GRM3: variants seen among roughly 807,000 people sequenced by gnomAD.
GRM3 encodes metabotropic glutamate receptor 3.
Under a neutral mutation model 70.5 loss-of-function variants are expected in GRM3, and 26 were observed. The ratio of observed to expected loss-of-function variants is 0.37; its 90% CI spans 0.27 to 0.51. The LOEUF is 0.51. Among genes scored for constraint, GRM3 ranks in the 20% least tolerant of loss-of-function variants. GRM3 has a pLI of 0.93. For synonymous variants in GRM3, 443 were observed against 434.9 expected (o/e 1.02, Z -0.23); for missense variants, 859 against 1,123.8 (o/e 0.76, Z 3.37).
chr7:86,675,495 G>A (rs1433901317), intron 1 of GRM3, among the ~76,000 whole-genome samples: 1 of 152,012 alleles, frequency 6.6e-6, no homozygotes, highest in Admixed American at 6.6e-5. Flanking sequence ...GAACCTACCA[G>A]TTGTCTTTAA....
intron 3 of GRM3, among the ~76,000 whole-genome samples, chr7:86,824,677 C>T (rs1359728165): frequency 1.3e-5 from 2 of 152,200 alleles, no homozygotes; most frequent in Non-Finnish European, 2.9e-5. Flanking sequence ...GTACTACTAA[C>T]TTTCTCCATC....
At position 86,725,436 on chromosome 7, in the gene GRM3, G is replaced by A. The variant is rs145884266; in HGVS notation, c.-140-39570G>A. 2.4e-3 allele frequency among the ~76,000 whole-genome samples: 365 copies of A among 152,220 alleles called. 1 individual carries two copies. Among genetic ancestry groups the A allele is most frequent in the African/African-American group, 8.0e-3 (333 of 41,560 alleles). On this transcript the variant is annotated intron_variant, in intron 1 of 5. Transcript: ENST00000361669. ...TTGATGTGATACCTCAAGGCTTCAA[G>A]CAGGAGTATGACAATGACAGGCGGA...
intron 1 of GRM3, among the ~76,000 whole-genome samples, chr7:86,716,734 A>T (rs554391147): frequency 3.9e-5 from 6 of 151,998 alleles, no homozygotes; most frequent in Admixed American, 3.3e-4. Flanking sequence ...ACAGAATTAT[A>T]AGCCCAATTT....
At chr7:86,653,978 C>T (rs1793670191) in intron 1 of GRM3, among the ~76,000 whole-genome samples, 1 of 152,296 alleles carries the variant, frequency 6.6e-6, no homozygotes, top group African/African-American at 2.4e-5. Flanking sequence ...CAACTCTCCC[C>T]ACTGCCCTCT....
chr7:86,754,062 G>C lies in GRM3; in HGVS notation c.-140-10944G>C, dbSNP rs141831173. ...ATGTTCTAAGGTCACTTAAATGATAGGAGAGTTCCATTACGCCAGGTTTAA... is the reference window on the plus strand; with the variant it reads ...ATGTTCTAAGGTCACTTAAATGATACGAGAGTTCCATTACGCCAGGTTTAA... On this transcript the variant is annotated intron_variant, in intron 1 of 5. Transcript: ENST00000361669. Among the ~76,000 whole-genome samples, 840 of 152,194 alleles carry C rather than the reference G, an allele frequency of 5.5e-3. 7 individuals are homozygous for C. Among genetic ancestry groups the C allele is most frequent in the Non-Finnish European group, 9.2e-3 (623 of 67,980 alleles).
rs189129235 is a variant in GRM3 at position 86,718,463 on chromosome 7, C to G, written c.-140-46543C>G. The stretch of plus-strand genomic sequence containing the variant: ...GGCAGGATTTGAAAGGATACTCTGC[C>G]TTTTCTTGGTTAATCTCAGACATCA... On this transcript the variant is annotated intron_variant, in intron 1 of 5. Transcript: ENST00000361669. Among the ~76,000 whole-genome samples, 219 of 152,054 alleles carry G rather than the reference C, an allele frequency of 1.4e-3. 1 individual carries two copies. Among genetic ancestry groups the G allele is most frequent in the Non-Finnish European group, 2.4e-3 (164 of 67,924 alleles).
intron 3 of GRM3, among the ~76,000 whole-genome samples, chr7:86,803,523 C>A (rs994511990): frequency 2.0e-5 from 3 of 152,126 alleles, no homozygotes; most frequent in Non-Finnish European, 4.4e-5. Flanking sequence ...AATATTGTAG[C>A]AATATTTAGG....
At chr7:86,673,823 A>C (rs1211747305) in intron 1 of GRM3, among the ~76,000 whole-genome samples, 1 of 152,124 alleles carries the variant, frequency 6.6e-6, no homozygotes, top group African/African-American at 2.4e-5. Context: ...GGGAATCAAC[A>C]TTGACTCCTT....
chr7:86,702,859 G>T (rs982518384), intron 1 of GRM3, among the ~76,000 whole-genome samples: 1 of 151,946 alleles, frequency 6.6e-6, no homozygotes, highest in Non-Finnish European at 1.5e-5. Context: ...GTGTCAAGAA[G>T]TAGCTGATCT....
chr7:86,783,561 G>A (rs752320870), intron 2 of GRM3, among the ~76,000 whole-genome samples: 19 of 152,054 alleles, frequency 1.2e-4, no homozygotes, highest in Non-Finnish European at 2.2e-4. Context: ...TTGGTACTTG[G>A]TTTTACAACA....
chr7:86,861,222 G>T (rs1798951207), intron 5 of GRM3, among the ~76,000 whole-genome samples: 1 of 152,084 alleles, frequency 6.6e-6, no homozygotes, highest in South Asian at 2.1e-4. Flanking sequence ...CATGTTTGCT[G>T]GTCATTTCTT....
intron 3 of GRM3, among the ~76,000 whole-genome samples, chr7:86,792,969 T>C (rs1027556086): frequency 1.3e-5 from 2 of 152,078 alleles, no homozygotes; most frequent in African/African-American, 2.4e-5. Context: ...AAGACAGTTT[T>C]CTTTTTTATT....
intron 1 of GRM3, among the ~76,000 whole-genome samples, chr7:86,720,002 C>A (rs995924988): frequency 6.6e-6 from 1 of 151,946 alleles, no homozygotes; most frequent in African/African-American, 2.4e-5. Flanking sequence ...AGCACCAGAT[C>A]TGGAAAGACC....
At chr7:86,656,941 G>A (rs1479181628) in intron 1 of GRM3, among the ~76,000 whole-genome samples, 1 of 152,032 alleles carries the variant, frequency 6.6e-6, no homozygotes, top group Non-Finnish European at 1.5e-5. Context: ...TTTTAGCAGA[G>A]TCTATAATAA....
intron 3 of GRM3, among the ~76,000 whole-genome samples, chr7:86,790,861 A>AC (rs1797393252): frequency 6.6e-6 from 1 of 151,914 alleles, no homozygotes; most frequent in Non-Finnish European, 1.5e-5. Context: ...GTAATGCATT[A>AC]CCCCCAACCC....
chr7:86,800,669 A>AT (rs1797660753), intron 3 of GRM3, among the ~76,000 whole-genome samples: 1 of 152,146 alleles, frequency 6.6e-6, no homozygotes, highest in African/African-American at 2.4e-5. Context: ...CTAAAGAAAG[A>AT]CTAGAACTAG....
At chr7:86,682,626 A>T (rs1307802082) in intron 1 of GRM3, among the ~76,000 whole-genome samples, 3 of 152,318 alleles carry the variant, frequency 2.0e-5, no homozygotes, top group Admixed American at 6.5e-5. Context: ...ATCATCCAGC[A>T]TGCCCCAAAT....
chr7:86,785,671 A>C (rs920102268), intron 2 of GRM3, among the ~76,000 whole-genome samples: 2 of 140,582 alleles, frequency 1.4e-5, no homozygotes, highest in African/African-American at 5.3e-5. Flanking sequence ...TGGGTGGTGG[A>C]CTAAATAGAA....
intron 1 of GRM3, among the ~76,000 whole-genome samples, chr7:86,758,039 A>G (rs1796390361): frequency 6.6e-6 from 1 of 152,144 alleles, no homozygotes; most frequent in Non-Finnish European, 1.5e-5. Context: ...TTCTGTATTT[A>G]TTACTGCTGA....
Sources: gnomAD v4.1 joint callset for allele counts (sites outside exome capture counted in the v4.1 genomes callset) on GRCh38, gnomAD v4.1.1 for gene constraint, MANE v1.5 for transcripts, NCBI Gene and HGNC (gene_info 2026-07-23, HGNC 2026-07-21) for gene names.